SH3TC2: variants seen among roughly 807,000 people sequenced by gnomAD.
The protein encoded by SH3TC2 is SH3 domain and tetratricopeptide repeat-containing protein 2.
SH3TC2 carries 87 observed loss-of-function variants against 124.5 expected under a neutral mutation model. The observed-to-expected ratio is 0.70, with a 90% CI of 0.59 to 0.84. The LOEUF is 0.84. SH3TC2 is among the 40% of genes least tolerant of loss of function. The probability of loss-of-function intolerance (pLI) is 0.00; values close to 1 mark genes in which losing one functional copy is unlikely to be tolerated. For missense variants in SH3TC2, 1,536 were observed against 1,566.4 expected (o/e 0.98, Z 0.33); for synonymous variants, 634 against 628.5 (o/e 1.01, Z -0.13).
chr5:149,036,632 G>A (rs554060980), intron 8 of SH3TC2, among the ~76,000 whole-genome samples: 30 of 152,308 alleles, frequency 2.0e-4, no homozygotes, highest in African/African-American at 7.0e-4. Context: ...CCAGAGGGAA[G>A]GCCTTGGGTT....
rs749885840 is a variant in SH3TC2, at chr5:148,986,057, A to G, written c.*18654T>C. On this transcript the variant is annotated 3_prime_UTR_variant, in exon 17 of 17. Transcript: ENST00000515425. The stretch of plus-strand genomic sequence containing the variant: ...GGTGTTTAAAAGGAAATTAGAACTC[A>G]TTAGTTCAACTTCTTTAAGTAAGGC... Among the ~76,000 whole-genome samples the G allele has an allele frequency of 1.3e-5, 2 of 152,192 alleles. No individual in the cohort carries two copies. Among genetic ancestry groups the G allele is most frequent in the Non-Finnish European group, 2.9e-5 (2 of 68,038 alleles).
intron 6 of SH3TC2, 98 bp from the exon 7 acceptor site, chr5:149,040,775 T>A: frequency 1.9e-6 from 2 of 1,056,580 alleles, no homozygotes; most frequent in Non-Finnish European, 1.5e-6. Flanking sequence ...TGATGAGTAT[T>A]GTTTTTTCTC....
intron 1 of SH3TC2, among the ~76,000 whole-genome samples, chr5:149,061,157 T>C (rs571525776): frequency 6.6e-6 from 1 of 152,296 alleles, no homozygotes; most frequent in South Asian, 2.1e-4. Context: ...CAGTAATCAA[T>C]GGCAAAAAGA....
intron 4 of SH3TC2, chr5:149,044,142 A>G: frequency 4.9e-6 from 1 of 202,520 alleles, no homozygotes; most frequent in African/African-American, 2.4e-5. Context: ...GAACTTTGCT[A>G]TTGACTATGT....
At chr5:149,024,806 T>C (rs1250984147) in intron 12 of SH3TC2, among the ~76,000 whole-genome samples, 1 of 152,166 alleles carries the variant, frequency 6.6e-6, no homozygotes, top group Non-Finnish European at 1.5e-5. Flanking sequence ...CTGCATCCTG[T>C]CTTAACTAAG....
At chr5:149,050,437 G>A (rs1189987789) in intron 2 of SH3TC2, among the ~76,000 whole-genome samples, 2 of 152,138 alleles carry the variant, frequency 1.3e-5, no homozygotes, top group African/African-American at 2.4e-5. Context: ...ACAGCATCAG[G>A]GTGGAAAATG....
At chr5:149,062,872 T>A in intron 1 of SH3TC2, 99 bp downstream of exon 1, 1 of 1,167,808 alleles carries the variant, frequency 8.6e-7, no homozygotes, top group East Asian at 2.5e-5. Flanking sequence ...TCTCCCCATC[T>A]TTGGGAGAAA....
In SH3TC2 at chr5:149,007,913, T is replaced by A. The variant is rs145842315; in HGVS notation, c.3479-836A>T. On this transcript the variant is annotated intron_variant, in intron 15 of 16. Coordinates refer to ENST00000515425, the MANE Select transcript of SH3TC2 (RefSeq NM_024577.4). ...ATCAGCCACAGGGGAAGTACTTATA[T>A]AAAGGATGCATACAACCTCCCTTCA... 710 of 152,672 alleles carry A rather than the reference T, an allele frequency of 4.7e-3. 5 individuals are homozygous for A. The highest frequency in any genetic ancestry group is 8.2e-3 in the Non-Finnish European group (558 of 68,346). The allele number at this position is 152,672 out of a possible 1,614,324, so 9.5% of individuals were successfully genotyped here.
intron 1 of SH3TC2, among the ~76,000 whole-genome samples, chr5:149,057,385 C>T (rs1754668209): frequency 6.6e-6 from 1 of 151,528 alleles, no homozygotes; most frequent in South Asian, 2.1e-4. Context: ...ATGATAAAGT[C>T]CCTCCTCCAT....
rs749908024 is a variant in SH3TC2 at position 149,042,718 on chromosome 5, ATAT to A, written c.502_504del (p.Ile168del). ...CCTTCCTGTATCAGGAGTCCCAGGT[ATAT>A]TGTTTCCAGGTGTTTATCATCTACA... is the stretch of plus-strand genomic sequence containing the variant. On this transcript the variant is annotated inframe_deletion, in exon 5 of 17. Coordinates refer to ENST00000515425, the MANE Select transcript of SH3TC2 (RefSeq NM_024577.4). 1.2e-6 allele frequency: 2 copies of A among 1,614,130 alleles called. No individual in the cohort carries two copies. The highest frequency in any genetic ancestry group is 1.7e-6 in the Non-Finnish European group (2 of 1,180,010).
At chr5:149,050,908 C>T (rs550459866) in intron 2 of SH3TC2, among the ~76,000 whole-genome samples, 1 of 152,300 alleles carries the variant, frequency 6.6e-6, no homozygotes, top group African/African-American at 2.4e-5. Flanking sequence ...AAGGCCCTTC[C>T]TCATCACGTG....
Position 149,047,767 on chromosome 5 carries a change from C to T in SH3TC2, c.279+95G>A, listed in dbSNP as rs1021547885. On this transcript the variant is annotated intron_variant, in intron 3 of 16. Coordinates refer to ENST00000515425, the MANE Select transcript of SH3TC2 (RefSeq NM_024577.4). Reference sequence around the variant, plus strand: ...CCTATTAGATGTTTTTTCCGAGGACCTACTTTGTTCCAGATGCTGTCTTAG... The same window carrying T: ...CCTATTAGATGTTTTTTCCGAGGACTTACTTTGTTCCAGATGCTGTCTTAG... The T allele has an allele frequency of 1.5e-5, 23 of 1,527,902 alleles. No individual in the cohort carries two copies. The East Asian group carries it at 5.2e-4, about 35-fold the overall frequency. The allele number at this position is 1,527,902 out of a possible 1,614,324, so 94.6% of individuals were successfully genotyped here.
Position 148,987,977 on chromosome 5 carries a change from A to G in SH3TC2, c.*16734T>C, listed in dbSNP as rs1580876230. On this transcript the variant is annotated 3_prime_UTR_variant, in exon 17 of 17. Coordinates refer to ENST00000515425, the MANE Select transcript of SH3TC2 (RefSeq NM_024577.4). ...TTTGGCCACTTCTCCAGATACCCAC[A>G]AGGAAGTGCCGAGAATGCTGTTGCA... is the stretch of plus-strand genomic sequence containing the variant. Among the ~76,000 whole-genome samples, 1 of 152,144 alleles carries G rather than the reference A, an allele frequency of 6.6e-6. No homozygotes were observed. Among genetic ancestry groups the G allele is most frequent in the South Asian group, 2.1e-4 (1 of 4,828 alleles).
Position 149,003,849 on chromosome 5 carries a change from C to CAA in SH3TC2, c.*860_*861dup, listed in dbSNP as rs5872107. ...CTGGGCAACAGAGGAGAAACTGTCT[C>CAA]AAAAAAAAAAAAAAAAAAAAAAGAC... On this transcript the variant is annotated 3_prime_UTR_variant, in exon 17 of 17. Coordinates refer to ENST00000515425, the MANE Select transcript of SH3TC2 (RefSeq NM_024577.4). The CAA allele has an allele frequency of 9.7e-3, 1,656 of 171,308 alleles. No individual in the cohort carries two copies. Among genetic ancestry groups the CAA allele is most frequent in the South Asian group, 0.025 (593 of 23,296 alleles). 10.6% of individuals were successfully genotyped at this position (171,308 alleles called of 1,614,324 possible). A position where few individuals can be genotyped will look rare whatever the true frequency, so the allele number is the denominator to read the frequency against.
intron 14 of SH3TC2, among the ~76,000 whole-genome samples, chr5:149,010,022 TC>T (rs1275075996): frequency 2.0e-5 from 3 of 152,168 alleles, no homozygotes; most frequent in Non-Finnish European, 4.4e-5. Flanking sequence ...TCTCCTGGAC[TC>T]AATTATTTTG....
chr5:148,992,242 A>C lies in SH3TC2; in HGVS notation c.*12469T>G, dbSNP rs886060122. ...AAGTGCCTTGCCCAAGGTCATGCAC[A>C]CAGTGGGGATTTTTACCCAGGTAGC... is the stretch of plus-strand genomic sequence containing the variant. On this transcript the variant is annotated 3_prime_UTR_variant, in exon 17 of 17. Transcript: ENST00000515425. Among the ~76,000 whole-genome samples the C allele has an allele frequency of 6.6e-6, 1 of 152,250 alleles. No homozygotes were observed. Among genetic ancestry groups the C allele is most frequent in the Non-Finnish European group, 1.5e-5 (1 of 68,030 alleles).
rs1754096605 is a variant in SH3TC2, at chr5:149,027,710, A to G, written c.2022T>C (p.Ser674=). ...GHPPASEAVA[S]VLSFLYDKKY... ...TCTTGTCATACAGAAAACTCAAAAC[A>G]CTGGCCACAGCCTCAGAGGCAGGAG... Residue 674 remains serine, a synonymous_variant, in exon 11 of 17, where the codon AGT becomes AGC. Transcript: ENST00000515425. The G allele has an allele frequency of 6.2e-7, 1 of 1,614,038 alleles. No homozygotes were observed. Among genetic ancestry groups the G allele is most frequent in the Non-Finnish European group, 8.5e-7 (1 of 1,179,940 alleles).
chr5:149,007,463 G>T (rs184502315), intron 15 of SH3TC2: 225 of 446,346 alleles, frequency 5.0e-4, no homozygotes, highest in African/African-American at 3.9e-3. Context: ...CTTTTAATGG[G>T]ACATGGTGAC....
chr5:149,048,007 G>C lies in SH3TC2; in HGVS notation c.152-18C>G. ...TGTCAGGTCTTAAAGAGAACAGAGA[G>C]AGAAGGATCAGGCTGAAAATAGAAT... is the stretch of plus-strand genomic sequence containing the variant. On this transcript the variant is annotated intron_variant, in intron 2 of 16. Transcript: ENST00000515425. 6.2e-7 allele frequency: 1 copy of C among 1,613,862 alleles called. No individual in the cohort carries two copies. The highest frequency in any genetic ancestry group is 8.5e-7 in the Non-Finnish European group (1 of 1,179,860).
Sources: allele counts gnomAD v4.1 joint callset (sites outside exome capture counted in the v4.1 genomes callset), GRCh38; gene constraint gnomAD v4.1.1; transcripts MANE v1.5; gene names NCBI Gene and HGNC (gene_info 2026-07-23, HGNC 2026-07-21).